The following GLP2R variants were observed in gnomAD, a reference collection of about 807,000 sequenced individuals.
The protein encoded by GLP2R is glucagon like peptide 2 receptor.
Under a neutral mutation model 68.2 loss-of-function variants are expected in GLP2R, and 59 were observed. The ratio of observed to expected loss-of-function variants is 0.87; its 90% CI spans 0.70 to 1.07. GLP2R has a LOEUF of 1.07. GLP2R is among the 50% of genes least tolerant of loss of function. The pLI is 0.00. For missense variants in GLP2R, 548 were observed against 677.4 expected (o/e 0.81, Z 2.12); for synonymous variants, 270 against 265.4 (o/e 1.02, Z -0.17).
At chr17:9,886,434 G>A (rs1163942898) in intron 11 of GLP2R, among the ~76,000 whole-genome samples, 5 of 152,318 alleles carry the variant, frequency 3.3e-5, no homozygotes, top group Non-Finnish European at 7.3e-5. Flanking sequence ...CATTTGTCAT[G>A]TGGAATCCTA....
At chr17:9,881,538 G>T (rs1216125555) in intron 11 of GLP2R, among the ~76,000 whole-genome samples, 1 of 146,036 alleles carries the variant, frequency 6.8e-6, no homozygotes, top group Non-Finnish European at 1.5e-5. Flanking sequence ...CCGCCACTAC[G>T]CCCGGCTAAT....
At chr17:9,834,468 T>A in intron 2 of GLP2R, 1 of 158,550 alleles carries the variant, frequency 6.3e-6, no homozygotes, top group Non-Finnish European at 1.4e-5. Flanking sequence ...ATCTGAATAG[T>A]AACATTTCTC....
chr17:9,839,548 C>A (rs2066765279), intron 3 of GLP2R, among the ~76,000 whole-genome samples: 1 of 152,148 alleles, frequency 6.6e-6, no homozygotes, highest in Non-Finnish European at 1.5e-5. Flanking sequence ...TGTGGGCTCA[C>A]CAGCACCCTC....
chr17:9,844,668 C>CTTTTTTTTTTTTTTTTTTTTTTTTTT (rs71139004), intron 4 of GLP2R, among the ~76,000 whole-genome samples: 2 of 44,276 alleles, frequency 4.5e-5, no homozygotes, highest in Admixed American at 3.5e-4. Flanking sequence ...CTACCTAATT[C>CTTTTTTTTTTTTTTTTTTTTTTTTTT]TTTTTTTTTT....
intron 12 of GLP2R, among the ~76,000 whole-genome samples, chr17:9,889,126 CAG>C (rs1468132301): frequency 2.6e-5 from 4 of 152,204 alleles, no homozygotes; most frequent in Non-Finnish European, 4.4e-5. Flanking sequence ...GCCACCCCGG[CAG>C]AGTCCTTTCC....
At chr17:9,857,785 C>T (rs1053881527) in intron 6 of GLP2R, among the ~76,000 whole-genome samples, 1 of 152,184 alleles carries the variant, frequency 6.6e-6, no homozygotes, top group Non-Finnish European at 1.5e-5. Flanking sequence ...GAAGGGTTCA[C>T]CATGGCTGCT....
chr17:9,882,277 G>A (rs17743140), intron 11 of GLP2R, among the ~76,000 whole-genome samples: 31,403 of 152,130 alleles, frequency 0.21, 4,268 homozygotes, highest in Non-Finnish European at 0.31. Context: ...TACAGTGGCC[G>A]TCTTGGTGAC....
chr17:9,836,039 CAAAAAA>C (rs10706067), intron 2 of GLP2R, among the ~76,000 whole-genome samples: 1 of 87,200 alleles, frequency 1.1e-5, no homozygotes, highest in Non-Finnish European at 2.2e-5. Flanking sequence ...ACTCCATCTC[CAAAAAA>C]AAAAAAAAAA....
At position 9,825,933 on chromosome 17, in the gene GLP2R, C is replaced by G. The variant is rs570059411; in HGVS notation, c.-131C>G. 1,039 of 749,358 alleles carry G rather than the reference C, an allele frequency of 1.4e-3. 7 individuals are homozygous for G. Among genetic ancestry groups the G allele is most frequent in the Non-Finnish European group, 9.3e-4 (431 of 463,192 alleles). 46.4% of individuals were successfully genotyped at this position (749,358 alleles called of 1,614,324 possible). Reference sequence around the variant, plus strand: ...TGCTCTAGACCGCCTCAGACACTCTCGGCGCAGCGTGGAGAGGATTTGTGC... The same window carrying G: ...TGCTCTAGACCGCCTCAGACACTCTGGGCGCAGCGTGGAGAGGATTTGTGC... On this transcript the variant is annotated 5_prime_UTR_variant, in exon 1 of 13. Coordinates refer to ENST00000262441, the MANE Select transcript of GLP2R (RefSeq NM_004246.3).
At chr17:9,846,169 T>C (rs188526026) in intron 4 of GLP2R, among the ~76,000 whole-genome samples, 21 of 152,340 alleles carry the variant, frequency 1.4e-4, no homozygotes, top group African/African-American at 4.8e-4. Flanking sequence ...ATGTATTTCA[T>C]ATTGGAAGCT....
At chr17:9,840,945 C>T (rs1281392968) in intron 3 of GLP2R, among the ~76,000 whole-genome samples, 4 of 151,292 alleles carry the variant, frequency 2.6e-5, no homozygotes, top group Non-Finnish European at 4.4e-5. Context: ...TAGGGGGCTT[C>T]GTGAAAGGCC....
intron 10 of GLP2R, 144 bp downstream of exon 10, chr17:9,870,979 G>T: frequency 1.7e-6 from 1 of 595,764 alleles, no homozygotes. Flanking sequence ...ATAGGATCAA[G>T]TGAGGCTTTT....
chr17:9,888,081 T>C, intron 12 of GLP2R, 108 bp downstream of exon 12: 2 of 827,990 alleles, frequency 2.4e-6, no homozygotes, highest in Non-Finnish European at 2.2e-6. Context: ...GAATGTGCAG[T>C]GACCAGCATG....
intron 4 of GLP2R, 36 bp downstream of exon 4, chr17:9,842,652 G>A (rs376730216): frequency 6.3e-5 from 102 of 1,610,742 alleles, no homozygotes; most frequent in Non-Finnish European, 8.1e-5. Context: ...GGCATCCAGG[G>A]TCCAAACCAC....
chr17:9,840,134 ACCAAG>A (rs1197972857), intron 3 of GLP2R, among the ~76,000 whole-genome samples: 1 of 151,890 alleles, frequency 6.6e-6, no homozygotes, highest in Non-Finnish European at 1.5e-5. Flanking sequence ...ACATCACCAT[ACCAAG>A]CTAATTTGTG....
chr17:9,853,024 G>A, intron 4 of GLP2R: 1 of 485,120 alleles, frequency 2.1e-6, no homozygotes, highest in Non-Finnish European at 3.9e-6. Flanking sequence ...GACCGTGGGT[G>A]GTGTGATTTC....
chr17:9,853,242 G>C (rs373440301), intron 4 of GLP2R: 20 of 313,186 alleles, frequency 6.4e-5, no homozygotes, highest in African/African-American at 4.4e-4. Context: ...TCGGCCTTTA[G>C]TTCACAACTG....
intron 10 of GLP2R, among the ~76,000 whole-genome samples, chr17:9,873,405 C>A (rs961511367): frequency 2.0e-5 from 3 of 152,088 alleles, no homozygotes; most frequent in Non-Finnish European, 4.4e-5. Flanking sequence ...GGACAGCTGG[C>A]CAGAAGTGCA....
At chr17:9,884,509 T>TG (rs1352054016) in intron 11 of GLP2R, among the ~76,000 whole-genome samples, 1 of 152,152 alleles carries the variant, frequency 6.6e-6, no homozygotes, top group Non-Finnish European at 1.5e-5. Flanking sequence ...AGACACCAAG[T>TG]TCCCTATACC....
Sources: gnomAD v4.1 joint callset for allele counts (sites outside exome capture counted in the v4.1 genomes callset) on GRCh38, gnomAD v4.1.1 for gene constraint, MANE v1.5 for transcripts, NCBI Gene and HGNC (gene_info 2026-07-23, HGNC 2026-07-21) for gene names.